The following CSGALNACT1 variants were observed in gnomAD, a reference collection of about 807,000 sequenced individuals.
CSGALNACT1 encodes the protein chondroitin sulfate N-acetylgalactosaminyltransferase 1, also known as beta4GalNAcT-1.
Under a neutral mutation model 51.0 loss-of-function variants are expected in CSGALNACT1, and 52 were observed. The ratio of observed to expected loss-of-function variants is 1.02; its 90% CI spans 0.82 to 1.29. CSGALNACT1 has a LOEUF of 1.29. CSGALNACT1 is among the 50% of genes most tolerant of loss of function. CSGALNACT1 has a pLI of 0.00. For synonymous variants in CSGALNACT1, 341 were observed against 254.4 expected (o/e 1.34, Z -3.24); for missense variants, 935 against 679.2 (o/e 1.38, Z -4.19).
At chr8:19,463,343 C>A (rs1485407145) in intron 4 of CSGALNACT1, among the ~76,000 whole-genome samples, 2 of 152,172 alleles carry the variant, frequency 1.3e-5, no homozygotes, top group Non-Finnish European at 2.9e-5. Flanking sequence ...CATACCCAGC[C>A]ATCCACCCAC....
chr8:19,458,826 A>AT (rs1397942355), intron 4 of CSGALNACT1, among the ~76,000 whole-genome samples, 184 bp from the exon 4 acceptor site: 1 of 152,194 alleles, frequency 6.6e-6, no homozygotes, highest in African/African-American at 2.4e-5. Flanking sequence ...AATAGCATGA[A>AT]TTTTAAAATC....
intron 1 of CSGALNACT1, among the ~76,000 whole-genome samples, chr8:19,620,026 A>C (rs1023868666): frequency 1.1e-4 from 16 of 152,258 alleles, no homozygotes; most frequent in African/African-American, 3.9e-4. Flanking sequence ...TATAAGAAGA[A>C]AGCAGGCTGG....
chr8:19,447,764 GT>G (rs923295630), intron 5 of CSGALNACT1, among the ~76,000 whole-genome samples: 2 of 152,176 alleles, frequency 1.3e-5, no homozygotes, highest in Non-Finnish European at 2.9e-5. Flanking sequence ...AGGGAGTGTG[GT>G]TGTCAAAGTG....
At chr8:19,657,120 A>T (rs1442178057) in intron 1 of CSGALNACT1, among the ~76,000 whole-genome samples, 1 of 152,012 alleles carries the variant, frequency 6.6e-6, no homozygotes, top group African/African-American at 2.4e-5. Flanking sequence ...AGTAAAACTT[A>T]AAACAAAGAA....
At chr8:19,648,540 G>A (rs2057485252) in intron 1 of CSGALNACT1, among the ~76,000 whole-genome samples, 1 of 152,210 alleles carries the variant, frequency 6.6e-6, no homozygotes. Context: ...CGACACTGTG[G>A]CTGATACCTG....
chr8:19,736,212 G>C (rs1057332848), intron 1 of CSGALNACT1, among the ~76,000 whole-genome samples: 2 of 152,174 alleles, frequency 1.3e-5, no homozygotes, highest in Non-Finnish European at 2.9e-5. Flanking sequence ...GCAGGGGTCA[G>C]AAAACTATAG....
intron 1 of CSGALNACT1, among the ~76,000 whole-genome samples, chr8:19,609,310 G>A (rs1490564177): frequency 6.7e-6 from 1 of 148,582 alleles, no homozygotes; most frequent in Non-Finnish European, 1.5e-5. Flanking sequence ...AATGGATATT[G>A]CCCTCAGGGA....
chr8:19,748,589 G>A (rs548092391), intron 1 of CSGALNACT1, among the ~76,000 whole-genome samples: 8 of 152,236 alleles, frequency 5.3e-5, no homozygotes, highest in East Asian at 1.9e-4. Flanking sequence ...TAGCATTTAC[G>A]TACATTAGCT....
intron 4 of CSGALNACT1, among the ~76,000 whole-genome samples, chr8:19,484,021 G>C (rs1369700529): frequency 6.6e-6 from 1 of 152,142 alleles, no homozygotes; most frequent in Non-Finnish European, 1.5e-5. Context: ...TCATCACTTT[G>C]TCCTGCATAC....
At chr8:19,627,490 T>C (rs1486895142) in intron 1 of CSGALNACT1, among the ~76,000 whole-genome samples, 1 of 151,824 alleles carries the variant, frequency 6.6e-6, no homozygotes, top group Non-Finnish European at 1.5e-5. Context: ...AGAGAGGTAA[T>C]AACATTTCAT....
chr8:19,559,487 A>C (rs1199725452), intron 3 of CSGALNACT1, among the ~76,000 whole-genome samples: 1 of 152,212 alleles, frequency 6.6e-6, no homozygotes, highest in East Asian at 1.9e-4. Flanking sequence ...CAGTGTATTA[A>C]GGCATAAGTA....
chr8:19,739,368 T>G (rs756879917), intron 1 of CSGALNACT1, among the ~76,000 whole-genome samples: 1 of 152,162 alleles, frequency 6.6e-6, no homozygotes, highest in Non-Finnish European at 1.5e-5. Flanking sequence ...AGGTAGCCTG[T>G]AGGCTTCTTC....
intron 1 of CSGALNACT1, among the ~76,000 whole-genome samples, chr8:19,720,062 C>A (rs1391664733): frequency 2.0e-5 from 3 of 152,152 alleles, no homozygotes; most frequent in African/African-American, 7.2e-5. Flanking sequence ...GGTACAAGAG[C>A]CATTTTGCAA....
intron 1 of CSGALNACT1, among the ~76,000 whole-genome samples, chr8:19,618,594 T>C (rs997150914): frequency 1.8e-5 from 2 of 113,916 alleles, no homozygotes; most frequent in Non-Finnish European, 3.3e-5. Flanking sequence ...ATCATGCCAC[T>C]ACACTGTAGC....
chr8:19,537,155 C>G (rs1448884923), intron 3 of CSGALNACT1, among the ~76,000 whole-genome samples: 3 of 152,154 alleles, frequency 2.0e-5, no homozygotes, highest in Non-Finnish European at 2.9e-5. Context: ...TAAGCAGAAA[C>G]TAGCTCTGGA....
At chr8:19,542,275 A>C (rs1007759135) in intron 3 of CSGALNACT1, among the ~76,000 whole-genome samples, 4 of 151,936 alleles carry the variant, frequency 2.6e-5, no homozygotes, top group African/African-American at 9.7e-5. Flanking sequence ...TTAAGCTCAA[A>C]GGAAAGCCAT....
intron 1 of CSGALNACT1, among the ~76,000 whole-genome samples, chr8:19,688,334 G>C (rs2154213342): frequency 6.6e-6 from 1 of 152,264 alleles, no homozygotes; most frequent in South Asian, 2.1e-4. Context: ...ATCCACATGG[G>C]AGATTGATTC....
chr8:19,449,310 A>G (rs1217903557), intron 5 of CSGALNACT1, among the ~76,000 whole-genome samples: 1 of 152,202 alleles, frequency 6.6e-6, no homozygotes, highest in Non-Finnish European at 1.5e-5. Flanking sequence ...CCCATTAGCC[A>G]TCCAACTTGC....
At chr8:19,696,454 G>A (rs921619169) in intron 1 of CSGALNACT1, among the ~76,000 whole-genome samples, 1 of 152,180 alleles carries the variant, frequency 6.6e-6, no homozygotes, top group Non-Finnish European at 1.5e-5. Context: ...TTGGAACAGG[G>A]CATATGAAAC....
Sources: gnomAD v4.1 joint callset for allele counts (sites outside exome capture counted in the v4.1 genomes callset) on GRCh38, gnomAD v4.1.1 for gene constraint, MANE v1.5 for transcripts, NCBI Gene and HGNC (gene_info 2026-07-23, HGNC 2026-07-21) for gene names.